The following TRHDE variants were observed in gnomAD, a reference collection of about 807,000 sequenced individuals.
TRHDE encodes thyrotropin releasing hormone degrading enzyme.
Under a neutral mutation model 125.7 loss-of-function variants are expected in TRHDE, and 72 were observed. That is an observed-to-expected ratio of 0.57 (90% CI 0.47 to 0.70). The LOEUF (loss-of-function observed/expected upper bound fraction) is 0.70, where lower values mean the gene tolerates loss of function less well. Among genes scored for constraint, TRHDE ranks in the 30% least tolerant of loss-of-function variants. The pLI is 0.00. For synonymous variants in TRHDE, 509 were observed against 509.1 expected (o/e 1.00, Z 0.00); for missense variants, 1,110 against 1,327.1 (o/e 0.84, Z 2.54).
intron 2 of TRHDE, among the ~76,000 whole-genome samples, chr12:72,180,447 C>A (rs549239807): frequency 6.6e-6 from 1 of 151,994 alleles, no homozygotes; most frequent in Non-Finnish European, 1.5e-5. Context: ...TAGTGCCAGC[C>A]CCTTTAGGCA....
chr12:72,292,449 T>G (rs1880123798), intron 2 of TRHDE, among the ~76,000 whole-genome samples: 1 of 152,228 alleles, frequency 6.6e-6, no homozygotes, highest in South Asian at 2.1e-4. Flanking sequence ...TAACCTCATC[T>G]CTTCTCTTTT....
intron 3 of TRHDE, among the ~76,000 whole-genome samples, chr12:72,423,324 C>T (rs879520740): frequency 2.0e-5 from 3 of 152,112 alleles, no homozygotes; most frequent in Admixed American, 6.6e-5. Flanking sequence ...GATGCAACTC[C>T]ATTCTAAGTT....
rs11837095 is a variant in TRHDE, at chr12:72,612,081, A to C, written c.2322-6810A>C. On this transcript the variant is annotated intron_variant, in intron 12 of 18. Coordinates refer to ENST00000261180, the MANE Select transcript of TRHDE (RefSeq NM_013381.3). ...TCAGCTAACTCCACTGCAGCTACAA[A>C]GGCCCTCTGTTATTCCTTCAACATC... Among the ~76,000 whole-genome samples, 189 of 152,230 alleles carry C rather than the reference A, an allele frequency of 1.2e-3. 2 individuals are homozygous for C. The highest frequency in any genetic ancestry group is 4.3e-3 in the African/African-American group (178 of 41,536).
At chr12:72,271,944 C>T (rs944733261), upstream of TRHDE, 1 of 456,606 alleles carries the variant, frequency 2.2e-6, no homozygotes, top group African/African-American at 2.0e-5. Flanking sequence ...GCCGCCACCG[C>T]CGCTTAAAGT....
chr12:72,221,841 G>T (rs1203694089), intron 2 of TRHDE, among the ~76,000 whole-genome samples: 2 of 152,092 alleles, frequency 1.3e-5, no homozygotes, highest in African/African-American at 4.8e-5. Context: ...CAGATTCTGT[G>T]GGTCAGGAAT....
intron 3 of TRHDE, among the ~76,000 whole-genome samples, chr12:72,423,113 A>T (rs1874028377): frequency 6.6e-6 from 1 of 152,152 alleles, no homozygotes; most frequent in Admixed American, 6.6e-5. Flanking sequence ...TCCTTATGTT[A>T]AAACTATACT....
intron 2 of TRHDE, among the ~76,000 whole-genome samples, chr12:72,191,059 A>G (rs746438832): frequency 1.1e-4 from 17 of 152,220 alleles, no homozygotes; most frequent in Non-Finnish European, 2.4e-4. Context: ...ATAGTATTCT[A>G]TACAACATTG....
At chr12:72,490,525 T>A (rs954657361) in intron 5 of TRHDE, among the ~76,000 whole-genome samples, 16 of 151,830 alleles carry the variant, frequency 1.1e-4, no homozygotes, top group Non-Finnish European at 1.6e-4. Flanking sequence ...TACTTCAGTG[T>A]TCACTGAAGC....
At chr12:72,483,529 T>G (rs913950636) in intron 5 of TRHDE, among the ~76,000 whole-genome samples, 1 of 152,048 alleles carries the variant, frequency 6.6e-6, no homozygotes, top group Non-Finnish European at 1.5e-5. Context: ...GGTAATCATA[T>G]TTTAACATTT....
intron 15 of TRHDE, among the ~76,000 whole-genome samples, chr12:72,650,825 A>G (rs113685195): frequency 1.4e-4 from 22 of 152,280 alleles, no homozygotes; most frequent in African/African-American, 5.1e-4. Context: ...TTAAGTTATT[A>G]AAGATGGAGG....
rs1406586507 is a variant in TRHDE at position 72,224,166 on chromosome 12, G to GTATGTATGTATC, written n.279+118417_279+118418insGTATGTATCTAT. Among the ~76,000 whole-genome samples, 34 of 62,966 alleles carry GTATGTATGTATC rather than the reference G, an allele frequency of 5.4e-4. 1 individual carries two copies. In the South Asian group the frequency reaches 9.1e-3, roughly 17 times the overall value. 41.3% of individuals were successfully genotyped at this position (62,966 alleles called of 152,430 possible). ...TTTATCTATGTATGTATGTATGTAT[G>GTATGTATGTATC]TATCTATCTATCTATCTATCTATCT... On this transcript the variant is annotated intron_variant and non_coding_transcript_variant, in intron 2 of 4. Coordinates refer to the TRHDE transcript ENST00000548156.
chr12:72,479,238 G>A (rs1411743694), intron 5 of TRHDE, among the ~76,000 whole-genome samples: 2 of 152,096 alleles, frequency 1.3e-5, no homozygotes, highest in African/African-American at 4.8e-5. Flanking sequence ...TACAACTGAA[G>A]AATATATAAT....
intron 2 of TRHDE, among the ~76,000 whole-genome samples, chr12:72,192,069 T>G (rs1439728386): frequency 6.6e-6 from 1 of 152,140 alleles, no homozygotes; most frequent in Non-Finnish European, 1.5e-5. Context: ...CCTTTCCTCA[T>G]CATTATTATC....
chr12:72,563,114 TTAA>T, intron 9 of TRHDE, 74 bp downstream of exon 9: 1 of 1,125,746 alleles, frequency 8.9e-7, no homozygotes, highest in Non-Finnish European at 1.3e-6. Flanking sequence ...TCAAAGAGCA[TTAA>T]TAACAAAATT....
At chr12:72,391,912 CTG>C (rs1872624791) in intron 3 of TRHDE, among the ~76,000 whole-genome samples, 1 of 152,114 alleles carries the variant, frequency 6.6e-6, no homozygotes, top group African/African-American at 2.4e-5. Context: ...CCTAATGTAA[CTG>C]TATTGAAATA....
chr12:72,202,257 G>C (rs1325014413), intron 2 of TRHDE, among the ~76,000 whole-genome samples: 3 of 152,180 alleles, frequency 2.0e-5, no homozygotes, highest in Non-Finnish European at 4.4e-5. Context: ...TTTCTGGCCA[G>C]TGGGGAGCCT....
intron 2 of TRHDE, among the ~76,000 whole-genome samples, chr12:72,293,497 A>G (rs1260925092): frequency 1.3e-5 from 2 of 151,866 alleles, no homozygotes; most frequent in East Asian, 3.9e-4. Context: ...CTTGTTCTTT[A>G]CTCTCTTACT....
intron 2 of TRHDE, among the ~76,000 whole-genome samples, chr12:72,151,155 G>C (rs967017730): frequency 1.3e-4 from 20 of 152,128 alleles, no homozygotes; most frequent in African/African-American, 4.8e-4. Context: ...GCCAGTGATG[G>C]TGAGCATTTT....
chr12:72,173,663 T>C (rs1041944704), intron 2 of TRHDE, among the ~76,000 whole-genome samples: 3 of 152,174 alleles, frequency 2.0e-5, no homozygotes, highest in African/African-American at 7.2e-5. Context: ...TATGAAATAA[T>C]TGTAAACTTA....
Sources: allele counts gnomAD v4.1 joint callset (sites outside exome capture counted in the v4.1 genomes callset), GRCh38; gene constraint gnomAD v4.1.1; transcripts MANE v1.5; gene names NCBI Gene and HGNC (gene_info 2026-07-23, HGNC 2026-07-21).